Variants in PRKN observed in about 807,000 individuals in gnomAD.
PRKN encodes the protein parkin RBR E3 ubiquitin protein ligase.
A neutral mutation model predicts 59.5 loss-of-function variants in PRKN; 56 were observed. That is an observed-to-expected ratio of 0.94 (90% CI 0.76 to 1.18). The LOEUF is 1.18. Among genes scored for constraint, PRKN ranks in the 50% most tolerant of loss-of-function variants. The pLI, the probability that PRKN is intolerant of heterozygous loss-of-function variation, is 0.00. For missense variants in PRKN, 657 were observed against 596.4 expected, an observed-to-expected ratio of 1.10 and a Z score of -1.06; for synonymous variants, 250 against 222.1, an observed-to-expected ratio of 1.13 and a Z score of -1.12.
At chr6:162,639,337 ATG>A (rs1267542901) in intron 1 of PRKN, among the ~76,000 whole-genome samples, 4 of 152,134 alleles carry the variant, frequency 2.6e-5, no homozygotes, top group Non-Finnish European at 5.9e-5. Context: ...TAAAAAATGA[ATG>A]TGTGTCAAAG....
chr6:162,437,806 C>T (rs1019670168), intron 2 of PRKN, among the ~76,000 whole-genome samples: 4 of 152,082 alleles, frequency 2.6e-5, no homozygotes, highest in Non-Finnish European at 5.9e-5. Flanking sequence ...TGTGGAGGTA[C>T]CAGTTTGTTG....
At chr6:162,071,775 T>C (rs1367328248) in intron 4 of PRKN, among the ~76,000 whole-genome samples, 1 of 151,886 alleles carries the variant, frequency 6.6e-6, no homozygotes, top group Non-Finnish European at 1.5e-5. Flanking sequence ...TTGTATTTTT[T>C]CAGTAGAGAT....
chr6:162,459,345 CTAATATTAGTACAAGA>C (rs1002730630), intron 1 of PRKN, among the ~76,000 whole-genome samples: 2 of 151,944 alleles, frequency 1.3e-5, no homozygotes, highest in Non-Finnish European at 2.9e-5. Context: ...CATGATGGTA[CTAATATTAGTACAAGA>C]AATTACCACC....
chr6:162,600,671 G>T (rs1029788325), intron 1 of PRKN, among the ~76,000 whole-genome samples: 4 of 152,098 alleles, frequency 2.6e-5, no homozygotes, highest in Admixed American at 2.6e-4. Flanking sequence ...AGTTTCTAAT[G>T]GTTTAGCACC....
At chr6:162,005,760 A>G (rs773651621) in intron 5 of PRKN, among the ~76,000 whole-genome samples, 5 of 152,156 alleles carry the variant, frequency 3.3e-5, no homozygotes, top group African/African-American at 1.2e-4. Context: ...CTAATATATC[A>G]AATCTAACCT....
At chr6:162,279,433 A>G (rs189943976) in intron 2 of PRKN, among the ~76,000 whole-genome samples, 1 of 151,874 alleles carries the variant, frequency 6.6e-6, no homozygotes, top group African/African-American at 2.4e-5. Flanking sequence ...AAGAAAGAAA[A>G]AGAAAGAAAG....
At chr6:161,830,328 T>C (rs1341458063) in intron 6 of PRKN, among the ~76,000 whole-genome samples, 2 of 151,602 alleles carry the variant, frequency 1.3e-5, no homozygotes, top group African/African-American at 4.8e-5. Context: ...CTTGGCTCAC[T>C]GCAAGCTCCG....
intron 9 of PRKN, among the ~76,000 whole-genome samples, chr6:161,422,192 A>G (rs1642677485): frequency 1.3e-5 from 2 of 151,430 alleles, no homozygotes; most frequent in Admixed American, 6.6e-5. Flanking sequence ...AAACACAAAT[A>G]AAATCTTTTT....
Position 162,001,278 on chromosome 6 carries a change from C to T in PRKN, c.619-27861G>A, listed in dbSNP as rs539899068. On this transcript the variant is annotated intron_variant, in intron 5 of 11. Transcript: ENST00000366898. ...TATTGAGTCCTCCTATCCATGAACA[C>T]GGGCTATTTCTCCATTTATTTAGTT... 5.3e-5 allele frequency among the ~76,000 whole-genome samples: 8 copies of T among 152,098 alleles called. No homozygotes were observed. The East Asian group carries it at 1.2e-3, about 22-fold the overall frequency.
intron 7 of PRKN, among the ~76,000 whole-genome samples, chr6:161,732,847 C>G (rs932429981): frequency 3.9e-5 from 6 of 152,114 alleles, no homozygotes; most frequent in African/African-American, 1.4e-4. Context: ...CAAACAATGT[C>G]TGGACTCACC....
chr6:162,336,242 C>A (rs979934753), intron 2 of PRKN, among the ~76,000 whole-genome samples: 1 of 152,018 alleles, frequency 6.6e-6, no homozygotes, highest in Non-Finnish European at 1.5e-5. Context: ...ACAATGTATA[C>A]AAGTATAAAA....
Position 161,669,888 on chromosome 6 carries a change from C to T in PRKN, c.872-100472G>A, listed in dbSNP as rs749735155. Among the ~76,000 whole-genome samples, 7 of 152,360 alleles carry T rather than the reference C, an allele frequency of 4.6e-5. No homozygotes were observed. The South Asian group carries it at 6.2e-4, about 14-fold the overall frequency. On this transcript the variant is annotated intron_variant, in intron 7 of 11. Transcript: ENST00000366898. ...TGGAAAGCAGCAGCAGTGGGGGTCA[C>T]GTGAGCCCAGCCTGCAGCGCACAGG...
chr6:162,301,491 C>T (rs766255687), intron 2 of PRKN, among the ~76,000 whole-genome samples: 23 of 152,088 alleles, frequency 1.5e-4, no homozygotes, highest in Non-Finnish European at 2.4e-4. Flanking sequence ...CTGATTTTCT[C>T]GTGGCTCTGC....
At chr6:161,601,240 C>A (rs752468390) in intron 7 of PRKN, among the ~76,000 whole-genome samples, 1 of 152,154 alleles carries the variant, frequency 6.6e-6, no homozygotes, top group Non-Finnish European at 1.5e-5. Flanking sequence ...TTATTTCTCA[C>A]AGTTCTGGAG....
chr6:162,144,391 C>T (rs1781916632), intron 4 of PRKN, among the ~76,000 whole-genome samples: 1 of 152,172 alleles, frequency 6.6e-6, no homozygotes, highest in Non-Finnish European at 1.5e-5. Context: ...GCTCAAAGTA[C>T]TTTCAGCATT....
At chr6:162,673,283 C>G (rs1165757281) in intron 1 of PRKN, among the ~76,000 whole-genome samples, 2 of 151,978 alleles carry the variant, frequency 1.3e-5, no homozygotes, top group African/African-American at 4.8e-5. Flanking sequence ...CAGCACCTGC[C>G]ACAGAGGACA....
At chr6:161,705,274 G>A (rs915893282) in intron 7 of PRKN, among the ~76,000 whole-genome samples, 3 of 152,162 alleles carry the variant, frequency 2.0e-5, no homozygotes, top group South Asian at 2.1e-4. Context: ...GCTTAGCCTA[G>A]CCTACCTTAA....
intron 4 of PRKN, among the ~76,000 whole-genome samples, chr6:162,114,097 A>G (rs1231874755): frequency 6.6e-6 from 1 of 151,286 alleles, no homozygotes; most frequent in Non-Finnish European, 1.5e-5. Context: ...TACCAGTACC[A>G]TGCTGTTTTG....
In PRKN at chr6:161,681,639, G is replaced by A. The variant is rs182337792; in HGVS notation, c.871+104133C>T. ...CTGTGCTTTGACGCCAGGTGGCTTC[G>A]CTCCTGGTTCTGATGGGCAGCTCAA... On this transcript the variant is annotated intron_variant, in intron 7 of 11. Coordinates refer to ENST00000366898, the MANE Select transcript of PRKN (RefSeq NM_004562.3). 1.4e-3 allele frequency among the ~76,000 whole-genome samples: 216 copies of A among 152,280 alleles called. 2 individuals are homozygous for A. Among genetic ancestry groups the A allele is most frequent in the Admixed American group, 1.4e-3 (22 of 15,296 alleles).
Sources: allele counts gnomAD v4.1 joint callset (sites outside exome capture counted in the v4.1 genomes callset), GRCh38; gene constraint gnomAD v4.1.1; transcripts MANE v1.5; gene names NCBI Gene and HGNC (gene_info 2026-07-23, HGNC 2026-07-21).